The following GMCL1 variants were observed in gnomAD, a reference collection of about 807,000 sequenced individuals.
GMCL1 encodes germ cell-less 1, spermatogenesis associated.
Under a neutral mutation model 75.5 loss-of-function variants are expected in GMCL1, and 54 were observed. That is an observed-to-expected ratio of 0.71 (90% CI 0.57 to 0.90). The LOEUF is 0.90. Ranked by LOEUF, GMCL1 falls within the 40% of genes least tolerant of loss-of-function variation. The pLI, the probability that GMCL1 is intolerant of heterozygous loss-of-function variation, is 0.00. For missense variants in GMCL1, 537 were observed against 622.7 expected (o/e 0.86, Z 1.47); for synonymous variants, 210 against 209.6 (o/e 1.00, Z -0.02).
chr2:69,870,362 A>G lies in GMCL1; in HGVS notation c.1364+498A>G, dbSNP rs545317310. Among the ~76,000 whole-genome samples, 22 of 152,256 alleles carry G rather than the reference A, an allele frequency of 1.4e-4. No homozygotes were observed. The South Asian group carries it at 1.4e-3, about 10-fold the overall frequency. The stretch of plus-strand genomic sequence containing the variant: ...TTACACCAAATACAAAAATTAACTT[A>G]AAATGGATCAAAGATCTAAGCATAA... On this transcript the variant is annotated intron_variant, in intron 12 of 13. Transcript: ENST00000282570.
At chr2:69,852,137 CAAAG>C (rs1029895804) in intron 8 of GMCL1, among the ~76,000 whole-genome samples, 1 of 152,224 alleles carries the variant, frequency 6.6e-6, no homozygotes, top group South Asian at 2.1e-4. Context: ...GTTAAAAAGA[CAAAG>C]AGACTCAGTA....
chr2:69,859,382 A>G (rs1421975132), intron 9 of GMCL1, among the ~76,000 whole-genome samples: 2 of 151,636 alleles, frequency 1.3e-5, no homozygotes, highest in East Asian at 1.9e-4. Flanking sequence ...GAGTCATGTA[A>G]TAGTTGCTAC....
At chr2:69,841,088 C>T (rs1276704017) in intron 4 of GMCL1, 49 bp downstream of exon 4, 13 of 1,359,700 alleles carry the variant, frequency 9.6e-6, no homozygotes, top group Non-Finnish European at 1.4e-5. Context: ...TAATCTTTGT[C>T]TCAAAGTGTG....
In GMCL1 at chr2:69,837,799, CTG is replaced by C. The variant is rs1275898933; in HGVS notation, c.384+131_384+132del. ...GGTTAAATCCTCTCATTTGATCAGTCTGTAAGAAAAATGGCAAACATTGTTAG... is the reference window on the plus strand; with the variant it reads ...GGTTAAATCCTCTCATTTGATCAGTCTAAGAAAAATGGCAAACATTGTTAG... On this transcript the variant is annotated intron_variant, in intron 2 of 13. Coordinates refer to ENST00000282570, the MANE Select transcript of GMCL1 (RefSeq NM_178439.5). 7 of 1,081,712 alleles carry C rather than the reference CTG, an allele frequency of 6.5e-6. No individual in the cohort carries two copies. The African/African-American group carries it at 1.0e-4, about 15-fold the overall frequency. 67.0% of individuals were successfully genotyped at this position (1,081,712 alleles called of 1,614,324 possible). A position where few individuals can be genotyped will look rare whatever the true frequency, so the allele number is the denominator to read the frequency against.
chr2:69,858,281 C>G (rs1300269019), intron 9 of GMCL1, among the ~76,000 whole-genome samples: 1 of 152,204 alleles, frequency 6.6e-6, no homozygotes, highest in Non-Finnish European at 1.5e-5. Flanking sequence ...TCCCAAAATG[C>G]TGGAATTACA....
rs1676247338 is a variant in GMCL1 at position 69,880,391 on chromosome 2, A to G, written c.*1387A>G. 6.6e-6 allele frequency: 1 copy of G among 152,032 alleles called. No individual in the cohort carries two copies. The highest frequency in any genetic ancestry group is 2.4e-5 in the African/African-American group (1 of 41,382). The allele number at this position is 152,032 out of a possible 1,614,324, so 9.4% of individuals were successfully genotyped here. A position where few individuals can be genotyped will look rare whatever the true frequency, so the allele number is the denominator to read the frequency against. On this transcript the variant is annotated 3_prime_UTR_variant, in exon 14 of 14. Transcript: ENST00000282570. The stretch of plus-strand genomic sequence containing the variant: ...TTAATAATTTTTTTCTTTTTTAATG[A>G]TATGCCCATAGGTTCATAAATTGCT...
At chr2:69,841,444 TG>T (rs1674983266) in intron 4 of GMCL1, among the ~76,000 whole-genome samples, 1 of 152,362 alleles carries the variant, frequency 6.6e-6, no homozygotes, top group East Asian at 1.9e-4. Context: ...TTGAAAGAAT[TG>T]TGTATAAATC....
intron 11 of GMCL1, among the ~76,000 whole-genome samples, 193 bp downstream of exon 11, chr2:69,865,168 G>A (rs1675774411): frequency 1.3e-5 from 2 of 152,198 alleles, no homozygotes; most frequent in Non-Finnish European, 2.9e-5. Context: ...GGCCTTGTAT[G>A]AGAATGCTGA....
Position 69,879,113 on chromosome 2 carries a change from T to G in GMCL1, c.*109T>G. ...CTTTAATTTAATGGCCCTACTGATA[T>G]TCACATCGAAGGTGACTAACAATGA... On this transcript the variant is annotated 3_prime_UTR_variant, in exon 14 of 14. Coordinates refer to ENST00000282570, the MANE Select transcript of GMCL1 (RefSeq NM_178439.5). 1.5e-6 allele frequency: 1 copy of G among 668,530 alleles called. No homozygotes were observed. Among genetic ancestry groups the G allele is most frequent in the Non-Finnish European group, 2.7e-6 (1 of 372,588 alleles). The allele number at this position is 668,530 out of a possible 1,614,324, so 41.4% of individuals were successfully genotyped here.
intron 13 of GMCL1, 77 bp from the exon 14 acceptor site, chr2:69,878,832 G>C: frequency 1.1e-6 from 1 of 950,714 alleles, no homozygotes; most frequent in Non-Finnish European, 1.7e-6. Flanking sequence ...ATCTCCTTTG[G>C]TTCACTCAGT....
chr2:69,861,452 T>A (rs1675645138), intron 10 of GMCL1, 105 bp downstream of exon 10: 1 of 634,568 alleles, frequency 1.6e-6, no homozygotes, highest in African/African-American at 1.9e-5. Context: ...AAACTCAAGC[T>A]GTTGAAGTAA....
intron 1 of GMCL1, among the ~76,000 whole-genome samples, chr2:69,831,068 A>C (rs920713216): frequency 6.6e-6 from 1 of 151,958 alleles, no homozygotes; most frequent in African/African-American, 2.4e-5. Flanking sequence ...ACCGGCGCGC[A>C]CCACCACGCC....
At chr2:69,864,001 C>T (rs1675733024) in intron 10 of GMCL1, among the ~76,000 whole-genome samples, 2 of 152,080 alleles carry the variant, frequency 1.3e-5, no homozygotes, top group Admixed American at 1.3e-4. Context: ...AATATTTACT[C>T]TCTAATGATC....
intron 11 of GMCL1, among the ~76,000 whole-genome samples, chr2:69,866,887 T>C (rs1675832219): frequency 6.6e-6 from 1 of 152,168 alleles, no homozygotes; most frequent in Non-Finnish European, 1.5e-5. Context: ...TCTCCTACTA[T>C]ACCACCTACT....
At chr2:69,844,290 A>G (rs1429157774) in intron 6 of GMCL1, 94 bp downstream of exon 6, 1 of 687,494 alleles carries the variant, frequency 1.5e-6, no homozygotes, top group South Asian at 2.0e-5. Context: ...ACACAAAAAT[A>G]TATTATGAAA....
chr2:69,874,430 G>C (rs2104063469), intron 13 of GMCL1, among the ~76,000 whole-genome samples: 1 of 152,068 alleles, frequency 6.6e-6, no homozygotes, highest in East Asian at 1.9e-4. Flanking sequence ...CTAATTTTTA[G>C]TAGAGACAGG....
rs73936268 is a variant in GMCL1, at chr2:69,837,269, A to G, written c.261-278A>G. Among the ~76,000 whole-genome samples the G allele has an allele frequency of 8.3e-3, 1,262 of 152,260 alleles. 16 individuals are homozygous for G. Among genetic ancestry groups the G allele is most frequent in the African/African-American group, 0.029 (1,203 of 41,556 alleles). On this transcript the variant is annotated intron_variant, in intron 1 of 13. Coordinates refer to ENST00000282570, the MANE Select transcript of GMCL1 (RefSeq NM_178439.5). ...TAAATTAGTCCAAAATTGCTAAAAC[A>G]TGTGTAGTGAAAAGTCTGCCTCCCA... is the stretch of plus-strand genomic sequence containing the variant.
intron 1 of GMCL1, among the ~76,000 whole-genome samples, chr2:69,834,944 A>C (rs912847415): frequency 6.6e-6 from 1 of 151,710 alleles, no homozygotes; most frequent in Admixed American, 6.6e-5. Context: ...TTTCATCACT[A>C]TCATTAGGTT....
intron 9 of GMCL1, among the ~76,000 whole-genome samples, chr2:69,859,167 AT>A (rs1453052091): frequency 1.3e-5 from 2 of 149,968 alleles, no homozygotes; most frequent in South Asian, 2.1e-4. Flanking sequence ...AAAAAAAAAA[AT>A]TTATGGGATA....
Sources: allele counts gnomAD v4.1 joint callset (sites outside exome capture counted in the v4.1 genomes callset), GRCh38; gene constraint gnomAD v4.1.1; transcripts MANE v1.5; gene names NCBI Gene and HGNC (gene_info 2026-07-23, HGNC 2026-07-21).